The following UNC13B variants were observed in gnomAD, a reference collection of about 807,000 sequenced individuals.
UNC13B encodes the protein protein unc-13 homolog B.
UNC13B carries 144 observed loss-of-function variants against 211.0 expected under a neutral mutation model. The ratio of observed to expected loss-of-function variants is 0.68; its 90% confidence interval spans 0.60 to 0.78. The LOEUF (loss-of-function observed/expected upper bound fraction) is 0.78. Among genes scored for constraint, UNC13B ranks in the 30% least tolerant of loss-of-function variants. The pLI, the probability that UNC13B is intolerant of heterozygous loss-of-function variation, is 0.00. For synonymous variants in UNC13B, 709 were observed against 725.8 expected, an observed-to-expected ratio of 0.98 and a Z score of 0.37; for missense variants, 1,777 against 2,002.0, an observed-to-expected ratio of 0.89 and a Z score of 2.14.
At position 35,304,073 on chromosome 9, in the gene UNC13B, C is replaced by T. The variant is rs1829812843; in HGVS notation, c.4669C>T (p.Pro1557Ser). ...STGQYAYLFI[P>S]DSYQEYLDCD... ...TGGGCAGTATGCATATTTATTTATA[C>T]CTGATTCTTATCAAGAGTATTTGGA... Residue 1557 changes from proline (P) to serine (S), a missense_variant, in exon 9 of 40, where the codon CCT becomes TCT. Physicochemically the swap from Pro to Ser is moderately conservative, Grantham distance 74. Transcript: ENST00000635942. 2.5e-6 allele frequency: 1 copy of T among 398,524 alleles called. No individual in the cohort carries two copies. The highest frequency in any genetic ancestry group is 4.4e-6 in the Non-Finnish European group (1 of 225,846). 24.7% of individuals were successfully genotyped at this position (398,524 alleles called of 1,614,324 possible). A position where few individuals can be genotyped will look rare whatever the true frequency, so the allele number is the denominator to read the frequency against.
At chr9:35,294,109 G>A (rs766570494) in intron 7 of UNC13B, among the ~76,000 whole-genome samples, 11 of 152,074 alleles carry the variant, frequency 7.2e-5, no homozygotes. Context: ...GTCTAATGAA[G>A]CCAAGGGGGG....
chr9:35,281,019 G>A (rs1419076391), intron 7 of UNC13B, among the ~76,000 whole-genome samples: 4 of 152,116 alleles, frequency 2.6e-5, no homozygotes. Context: ...GGAGGCTGAG[G>A]CGGGTGGATC....
chr9:35,328,808 C>T (rs1466298781), intron 11 of UNC13B, among the ~76,000 whole-genome samples: 1 of 151,320 alleles, frequency 6.6e-6, no homozygotes, highest in Non-Finnish European at 1.5e-5. Flanking sequence ...GGCTCTGTCG[C>T]CCAGGCTGGA....
At chr9:35,256,591 T>A (rs1364480998) in intron 6 of UNC13B, among the ~76,000 whole-genome samples, 1 of 152,216 alleles carries the variant, frequency 6.6e-6, no homozygotes, top group African/African-American at 2.4e-5. Flanking sequence ...TTTGATCACA[T>A]AGTTTTTCTC....
intron 26 of UNC13B, among the ~76,000 whole-genome samples, chr9:35,392,654 A>AG (rs1835610268): frequency 1.9e-5 from 1 of 53,736 alleles, no homozygotes; most frequent in South Asian, 6.4e-4. Context: ...GGGTAGGGGG[A>AG]GGGGGGAGGG....
chr9:35,294,781 C>G (rs2131795200), intron 7 of UNC13B, among the ~76,000 whole-genome samples: 1 of 152,266 alleles, frequency 6.6e-6, no homozygotes, highest in South Asian at 2.1e-4. Flanking sequence ...ATACGACTTC[C>G]TCTCTGTAAA....
intron 11 of UNC13B, among the ~76,000 whole-genome samples, chr9:35,343,599 G>A (rs1375961404): frequency 6.6e-6 from 1 of 152,160 alleles, no homozygotes; most frequent in East Asian, 1.9e-4. Context: ...GAAATGGGCT[G>A]CTTCCAGCCA....
At chr9:35,353,890 T>G (rs980305304) in intron 11 of UNC13B, 1 of 928,510 alleles carries the variant, frequency 1.1e-6, no homozygotes, top group African/African-American at 1.7e-5. Flanking sequence ...CCTGGTGTGG[T>G]GGCCAGTTTA....
chr9:35,344,475 C>T (rs957547516), intron 11 of UNC13B, among the ~76,000 whole-genome samples: 1 of 152,164 alleles, frequency 6.6e-6, no homozygotes, highest in African/African-American at 2.4e-5. Context: ...GCCATCAATT[C>T]ATTTATGCTT....
At chr9:35,351,189 A>G (rs953594364) in intron 11 of UNC13B, 7 of 675,674 alleles carry the variant, frequency 1.0e-5, no homozygotes, top group African/African-American at 7.7e-5. Context: ...GTTGATTCCT[A>G]TAATCTTAGG....
intron 11 of UNC13B, among the ~76,000 whole-genome samples, chr9:35,345,479 A>G (rs1832294863): frequency 6.6e-6 from 1 of 152,184 alleles, no homozygotes; most frequent in African/African-American, 2.4e-5. Flanking sequence ...GTCAGATACC[A>G]AGCATAGACA....
At chr9:35,287,030 T>C (rs992433845) in intron 7 of UNC13B, among the ~76,000 whole-genome samples, 2 of 152,208 alleles carry the variant, frequency 1.3e-5, no homozygotes, top group Admixed American at 1.3e-4. Context: ...TGCACCACCA[T>C]GCCCAGCTAA....
intron 1 of UNC13B, among the ~76,000 whole-genome samples, chr9:35,199,703 T>C (rs900700907): frequency 7.9e-5 from 12 of 152,250 alleles, no homozygotes; most frequent in African/African-American, 2.9e-4. Context: ...TTTTTTCTTG[T>C]AAATTTGTTT....
intron 1 of UNC13B, among the ~76,000 whole-genome samples, chr9:35,210,940 T>C (rs1823933798): frequency 6.6e-6 from 1 of 152,096 alleles, no homozygotes; most frequent in Admixed American, 6.5e-5. Flanking sequence ...TCTCTCTATG[T>C]TGCTTAGGCT....
At chr9:35,200,566 G>A (rs1823222801) in intron 1 of UNC13B, among the ~76,000 whole-genome samples, 1 of 152,092 alleles carries the variant, frequency 6.6e-6, no homozygotes, top group African/African-American at 2.4e-5. Context: ...TTGTAAGTTG[G>A]ATTCCTAGGT....
At chr9:35,232,177 C>CTTT (rs547048403) in intron 3 of UNC13B, among the ~76,000 whole-genome samples, 690 of 31,540 alleles carry the variant, frequency 0.022, 215 homozygotes, top group East Asian at 0.033. Flanking sequence ...TATATTGCTG[C>CTTT]TTTTTTTTTT....
intron 9 of UNC13B, among the ~76,000 whole-genome samples, chr9:35,309,962 C>G (rs145874735): frequency 4.5e-4 from 68 of 152,250 alleles, no homozygotes; most frequent in African/African-American, 1.6e-3. Flanking sequence ...TGTCTGCTCT[C>G]CTTTGCTCAT....
At chr9:35,183,750 T>C (rs1822144184) in intron 1 of UNC13B, among the ~76,000 whole-genome samples, 2 of 114,944 alleles carry the variant, frequency 1.7e-5, no homozygotes, top group African/African-American at 3.5e-5. Context: ...GCAGAGGCGC[T>C]CCTCACATCC....
intron 7 of UNC13B, among the ~76,000 whole-genome samples, chr9:35,273,771 C>T (rs1175035284): frequency 1.3e-5 from 2 of 152,220 alleles, no homozygotes; most frequent in Non-Finnish European, 2.9e-5. Context: ...TCACACCTAC[C>T]AGAAACAAGA....
Sources: allele counts gnomAD v4.1 joint callset (sites outside exome capture counted in the v4.1 genomes callset), GRCh38; gene constraint gnomAD v4.1.1; transcripts MANE v1.5; gene names NCBI Gene and HGNC (gene_info 2026-07-23, HGNC 2026-07-21).